The following ADARB2 variants were observed in gnomAD, a reference collection of about 807,000 sequenced individuals.
ADARB2 encodes adenosine deaminase RNA specific B2 (inactive).
Under a neutral mutation model 62.2 loss-of-function variants are expected in ADARB2, and 25 were observed. The ratio of observed to expected loss-of-function variants is 0.40; its 90% CI spans 0.29 to 0.56. ADARB2 has a LOEUF of 0.56. Among genes scored for constraint, ADARB2 ranks in the 20% least tolerant of loss-of-function variants. The pLI is 0.43. For missense variants in ADARB2, 1,071 were observed against 1,077.4 expected (o/e 0.99, Z 0.08); for synonymous variants, 572 against 500.8 (o/e 1.14, Z -1.90).
At chr10:1,411,298 C>T (rs1231701062) in intron 1 of ADARB2, among the ~76,000 whole-genome samples, 4 of 152,182 alleles carry the variant, frequency 2.6e-5, no homozygotes, top group Non-Finnish European at 4.4e-5. Context: ...ACCCTGGCTT[C>T]GGGGGAACAC....
chr10:1,278,771 G>T (rs575482706), intron 3 of ADARB2, among the ~76,000 whole-genome samples: 54 of 152,156 alleles, frequency 3.5e-4, no homozygotes, highest in African/African-American at 9.6e-4. Context: ...TCATGTAGGG[G>T]TCGACTCATG....
chr10:1,385,420 GGGA>G, intron 1 of ADARB2, among the ~76,000 whole-genome samples: 1 of 151,928 alleles, frequency 6.6e-6, no homozygotes, highest in East Asian at 1.9e-4. Flanking sequence ...TAAATAGATG[GGGA>G]ATCTTGGTAG....
At chr10:1,354,444 C>T (rs1425988935) in intron 3 of ADARB2, among the ~76,000 whole-genome samples, 5 of 145,810 alleles carry the variant, frequency 3.4e-5, no homozygotes, top group South Asian at 4.9e-4. Flanking sequence ...TCCTATAAAA[C>T]GGCCCCACCC....
At chr10:1,206,236 T>C (rs564055396) in intron 7 of ADARB2, among the ~76,000 whole-genome samples, 1 of 152,306 alleles carries the variant, frequency 6.6e-6, no homozygotes, top group African/African-American at 2.4e-5. Flanking sequence ...CCCAGGTGCG[T>C]CTCTCCATTC....
intron 1 of ADARB2, among the ~76,000 whole-genome samples, chr10:1,641,828 C>T (rs1018571520): frequency 3.3e-5 from 5 of 152,180 alleles, no homozygotes; most frequent in Non-Finnish European, 7.3e-5. Context: ...GCCTGGCCAA[C>T]ACGATGAAAC....
chr10:1,692,880 G>A (rs1470701565), intron 1 of ADARB2, among the ~76,000 whole-genome samples: 2 of 152,212 alleles, frequency 1.3e-5, no homozygotes, highest in Non-Finnish European at 2.9e-5. Context: ...TAGTTAGCAT[G>A]TTTGATAAGA....
rs775832550 is a variant in ADARB2 at position 1,200,292 on chromosome 10, C to G, written c.1683-145G>C. The G allele has an allele frequency of 7.7e-6, 8 of 1,034,336 alleles. No individual in the cohort carries two copies. In the East Asian group the frequency reaches 2.1e-4, roughly 27 times the overall value. 64.1% of individuals were successfully genotyped at this position (1,034,336 alleles called of 1,614,324 possible). Reference sequence around the variant, plus strand: ...GGGAGCTCCCTGGGAGTGCCCCAGACCCAACCCAGCCATCACTGGGGCTCT... The same window carrying G: ...GGGAGCTCCCTGGGAGTGCCCCAGAGCCAACCCAGCCATCACTGGGGCTCT... On this transcript the variant is annotated intron_variant, in intron 7 of 9. Transcript: ENST00000381312.
In ADARB2 at chr10:1,196,150, G is replaced by A. The variant is rs1011390582; in HGVS notation, c.1864+3816C>T. 1.3e-5 allele frequency among the ~76,000 whole-genome samples: 2 copies of A among 151,376 alleles called. 1 individual carries two copies. The highest frequency in any genetic ancestry group is 4.2e-4 in the South Asian group (2 of 4,780). The stretch of plus-strand genomic sequence containing the variant: ...CTGCGCAGTGTCACCGCCACACTGA[G>A]AGTGCTCCTGATCCTTTTATTAGGG... On this transcript the variant is annotated intron_variant, in intron 8 of 9. Coordinates refer to ENST00000381312, the MANE Select transcript of ADARB2 (RefSeq NM_018702.4).
rs1215357879 is a variant in ADARB2, at chr10:1,730,563, A to AAAATTTCACCTCTTAGAGAGTTGAAAT, written c.100+6461_100+6487dup. ...GTGTACACAGCTGAAAAAACTTTCA[A>AAAATTTCACCTCTTAGAGAGTTGAAAT]AAATTTCACCTCTTAGAGAGTTGAA... On this transcript the variant is annotated intron_variant, in intron 1 of 9. Coordinates refer to ENST00000381312, the MANE Select transcript of ADARB2 (RefSeq NM_018702.4). 2.0e-5 allele frequency among the ~76,000 whole-genome samples: 3 copies of AAAATTTCACCTCTTAGAGAGTTGAAAT among 152,330 alleles called. No homozygotes were observed. The East Asian group carries it at 5.8e-4, about 29-fold the overall frequency.
rs141901764 is a variant in ADARB2 at position 1,589,094 on chromosome 10, C to T, written c.100+147957G>A. Among the ~76,000 whole-genome samples, 1,236 of 152,362 alleles carry T rather than the reference C, an allele frequency of 8.1e-3. 4 individuals are homozygous for T. Among genetic ancestry groups the T allele is most frequent in the Admixed American group, 0.012 (181 of 15,310 alleles). On this transcript the variant is annotated intron_variant, in intron 1 of 9. Coordinates refer to ENST00000381312, the MANE Select transcript of ADARB2 (RefSeq NM_018702.4). ...TTCCTGTGTTCTCATGCACAAGTTA[C>T]TGGCATGGCTCCATCAGTCCACTGG...
At chr10:1,617,253 C>T (rs957027249) in intron 1 of ADARB2, among the ~76,000 whole-genome samples, 2,763 of 84,684 alleles carry the variant, frequency 0.033, no homozygotes, top group African/African-American at 0.049. Context: ...ATCCTGGGAA[C>T]TGGCCTCAGA....
At chr10:1,268,378 A>G (rs917470305) in intron 4 of ADARB2, among the ~76,000 whole-genome samples, 3 of 152,198 alleles carry the variant, frequency 2.0e-5, no homozygotes, top group East Asian at 3.8e-4. Flanking sequence ...TCATAAGTAT[A>G]TATTTCTGTG....
chr10:1,532,508 G>A (rs1428981032), intron 1 of ADARB2, among the ~76,000 whole-genome samples: 1 of 152,118 alleles, frequency 6.6e-6, no homozygotes, highest in Non-Finnish European at 1.5e-5. Context: ...CTGTAGCTGG[G>A]AAATTCACCC....
intron 3 of ADARB2, among the ~76,000 whole-genome samples, chr10:1,340,737 A>C (rs111926085): frequency 8.0e-6 from 1 of 124,566 alleles, no homozygotes; most frequent in African/African-American, 4.1e-5. Context: ...GGCAATAACC[A>C]GCATCCACCA....
intron 3 of ADARB2, among the ~76,000 whole-genome samples, chr10:1,342,695 C>T (rs1455687447): frequency 6.6e-6 from 1 of 152,212 alleles, no homozygotes; most frequent in Non-Finnish European, 1.5e-5. Context: ...CCTACCGCCC[C>T]AATCGTTCAG....
chr10:1,481,562 T>C (rs140279107), intron 1 of ADARB2, among the ~76,000 whole-genome samples: 1,689 of 152,194 alleles, frequency 0.011, 34 homozygotes, highest in African/African-American at 0.038. Flanking sequence ...TGATGAGAGA[T>C]TAATATCCAG....
chr10:1,637,185 C>T (rs1040246815), intron 1 of ADARB2, among the ~76,000 whole-genome samples: 1 of 152,190 alleles, frequency 6.6e-6, no homozygotes, highest in Non-Finnish European at 1.5e-5. Flanking sequence ...CCACAAGTGG[C>T]TCTGCTCTAG....
chr10:1,214,051 T>C (rs1837197278), intron 7 of ADARB2, among the ~76,000 whole-genome samples: 1 of 151,722 alleles, frequency 6.6e-6, no homozygotes, highest in South Asian at 2.1e-4. Flanking sequence ...TTTGCACCTG[T>C]ACCCGGACCT....
intron 1 of ADARB2, among the ~76,000 whole-genome samples, chr10:1,409,197 G>A (rs1406357382): frequency 1.1e-5 from 1 of 92,884 alleles, no homozygotes; most frequent in Non-Finnish European, 2.6e-5. Flanking sequence ...GACCCGCCCT[G>A]CCTGACAGCG....
Sources: gnomAD v4.1 joint callset for allele counts (sites outside exome capture counted in the v4.1 genomes callset) on GRCh38, gnomAD v4.1.1 for gene constraint, MANE v1.5 for transcripts, NCBI Gene and HGNC (gene_info 2026-07-23, HGNC 2026-07-21) for gene names.